The following TAFA5 variants were observed in gnomAD, a reference collection of about 807,000 sequenced individuals.
TAFA5 encodes the protein TAFA chemokine like family member 5.
In TAFA5, 6 loss-of-function variants were observed where a neutral mutation model predicts 15.3. That is an observed-to-expected ratio of 0.39 (90% CI 0.21 to 0.77). The LOEUF (loss-of-function observed/expected upper bound fraction) is 0.77, where lower values mean the gene tolerates loss of function less well. TAFA5 is among the 30% of genes least tolerant of loss of function. The pLI is 0.41. For missense variants in TAFA5, 161 were observed against 193.1 expected (o/e 0.83, Z 0.98); for synonymous variants, 103 against 80.7 (o/e 1.28, Z -1.48).
chr22:48,540,232 G>A (rs1922316089), intron 1 of TAFA5, among the ~76,000 whole-genome samples: 1 of 152,092 alleles, frequency 6.6e-6, no homozygotes, highest in South Asian at 2.1e-4. Context: ...ATTTCCCACT[G>A]CAGCACCGGT....
intron 1 of TAFA5, among the ~76,000 whole-genome samples, chr22:48,499,525 G>T (rs1920941693): frequency 6.6e-6 from 1 of 152,150 alleles, no homozygotes; most frequent in South Asian, 2.1e-4. Context: ...TTCTGTTCTA[G>T]CCGGCTCCCC....
chr22:48,729,276 TATAA>T (rs1021695559), intron 3 of TAFA5, among the ~76,000 whole-genome samples: 2 of 136,398 alleles, frequency 1.5e-5, no homozygotes, highest in African/African-American at 5.3e-5. Context: ...TATATTTATT[TATAA>T]ATATATAATA....
chr22:48,599,931 C>T (rs887866330), intron 1 of TAFA5, among the ~76,000 whole-genome samples: 1 of 152,322 alleles, frequency 6.6e-6, no homozygotes, highest in Admixed American at 6.5e-5. Flanking sequence ...CTGGGGGCCG[C>T]TGGTCCAGCA....
In TAFA5 at chr22:48,689,356, C is replaced by T. The variant is rs563445692; in HGVS notation, c.263-18361C>T. Among the ~76,000 whole-genome samples the T allele has an allele frequency of 2.0e-3, 308 of 152,194 alleles. 3 individuals are homozygous for T. The highest frequency in any genetic ancestry group is 7.0e-3 in the African/African-American group (291 of 41,534). Reference sequence around the variant, plus strand: ...CCACATCTCGGGTCCACATCTGGAGCACCCCCGTCTGCCTTGTCCTCAGGC... The same window carrying T: ...CCACATCTCGGGTCCACATCTGGAGTACCCCCGTCTGCCTTGTCCTCAGGC... On this transcript the variant is annotated intron_variant, in intron 2 of 3. Transcript: ENST00000402357.
At chr22:48,656,324 T>C (rs904740504) in intron 2 of TAFA5, among the ~76,000 whole-genome samples, 2 of 151,994 alleles carry the variant, frequency 1.3e-5, no homozygotes, top group Non-Finnish European at 2.9e-5. Flanking sequence ...GCCAACATGG[T>C]GAAGCCCCGT....
chr22:48,713,105 G>A (rs1011497331), intron 3 of TAFA5, among the ~76,000 whole-genome samples: 2 of 152,252 alleles, frequency 1.3e-5, no homozygotes, highest in East Asian at 3.8e-4. Flanking sequence ...AATCCTGTTT[G>A]CACATTCGCT....
At chr22:48,507,119 C>G in intron 1 of TAFA5, among the ~76,000 whole-genome samples, 1 of 150,774 alleles carries the variant, frequency 6.6e-6, no homozygotes, top group African/African-American at 2.5e-5. Flanking sequence ...GAGGTGGCCG[C>G]CAAGGGCCAG....
intron 1 of TAFA5, among the ~76,000 whole-genome samples, chr22:48,505,562 G>T (rs927606638): frequency 2.0e-4 from 31 of 152,384 alleles, no homozygotes; most frequent in Middle Eastern, 3.4e-3. Context: ...GGGCTGTGGA[G>T]CTGCATGGCC....
chr22:48,511,622 G>T (rs779105856), intron 1 of TAFA5, among the ~76,000 whole-genome samples: 10 of 152,222 alleles, frequency 6.6e-5, no homozygotes, highest in Non-Finnish European at 1.3e-4. Flanking sequence ...GCTGTGCAAA[G>T]CCGCATTCGT....
At chr22:48,706,045 TG>T (rs1929067770) in intron 2 of TAFA5, among the ~76,000 whole-genome samples, 1 of 151,188 alleles carries the variant, frequency 6.6e-6, no homozygotes, top group Non-Finnish European at 1.5e-5. Flanking sequence ...AGACGGGAGG[TG>T]GGGGCTGGGG....
chr22:48,651,549 T>C (rs1346613584), intron 2 of TAFA5, among the ~76,000 whole-genome samples: 1 of 151,926 alleles, frequency 6.6e-6, no homozygotes, highest in East Asian at 1.9e-4. Flanking sequence ...AGAGGTATGG[T>C]GGCCAGAGTC....
At chr22:48,564,970 G>T (rs1923361716) in intron 1 of TAFA5, among the ~76,000 whole-genome samples, 1 of 152,244 alleles carries the variant, frequency 6.6e-6, no homozygotes, top group South Asian at 2.1e-4. Flanking sequence ...CTCCATCCAT[G>T]AGGGGTTAGA....
chr22:48,631,794 G>C (rs1466801215), intron 1 of TAFA5, among the ~76,000 whole-genome samples: 1 of 152,156 alleles, frequency 6.6e-6, no homozygotes. Context: ...GAATGTAAAG[G>C]GTCTGCGTGG....
chr22:48,520,243 G>A (rs537279270), intron 1 of TAFA5, among the ~76,000 whole-genome samples: 2 of 152,382 alleles, frequency 1.3e-5, no homozygotes, highest in African/African-American at 4.8e-5. Flanking sequence ...TAATTCCACT[G>A]TGTGAGATGC....
chr22:48,546,053 C>T (rs777280805), intron 1 of TAFA5, among the ~76,000 whole-genome samples: 6 of 152,144 alleles, frequency 3.9e-5, no homozygotes, highest in African/African-American at 1.2e-4. Context: ...GGCACATGCT[C>T]GGTTTTGGGG....
chr22:48,612,077 G>A (rs1013047018), intron 1 of TAFA5, among the ~76,000 whole-genome samples: 30 of 152,206 alleles, frequency 2.0e-4, no homozygotes, highest in African/African-American at 5.3e-4. Flanking sequence ...AGCACAGGGC[G>A]CTGTGCCTGT....
At chr22:48,680,962 C>G (rs922642947) in intron 2 of TAFA5, among the ~76,000 whole-genome samples, 7 of 152,250 alleles carry the variant, frequency 4.6e-5, no homozygotes, top group African/African-American at 1.7e-4. Flanking sequence ...ACCACGGCTT[C>G]TGGAAGGATC....
chr22:48,576,238 T>A (rs1335351596), intron 1 of TAFA5: 21 of 392,378 alleles, frequency 5.4e-5, no homozygotes, highest in East Asian at 2.3e-4. Flanking sequence ...TCTGCTAACC[T>A]CCCCGCCCCC....
At position 48,560,798 on chromosome 22, in the gene TAFA5, T is replaced by G. The variant is rs1923204950; in HGVS notation, c.112+71094T>G. 6.6e-6 allele frequency among the ~76,000 whole-genome samples: 1 copy of G among 151,986 alleles called. No individual in the cohort carries two copies. The highest frequency in any genetic ancestry group is 1.9e-4 in the East Asian group (1 of 5,132). The stretch of plus-strand genomic sequence containing the variant: ...TAATTTTTTGTGTTTTTAGTAGAGA[T>G]GGGGTTTCACCGTGTTGGCCAGACT... On this transcript the variant is annotated intron_variant, in intron 1 of 3. Coordinates refer to ENST00000402357, the MANE Select transcript of TAFA5 (RefSeq NM_001082967.3). This position sits in a 1 kb window ranked among gnomAD's most constrained non-coding sequence, Gnocchi z 4.2.
Sources: gnomAD v4.1 joint callset for allele counts (sites outside exome capture counted in the v4.1 genomes callset) on GRCh38, gnomAD v4.1.1 for gene constraint, Gnocchi (gnomAD v3.1) non-coding constraint, MANE v1.5 for transcripts, NCBI Gene and HGNC (gene_info 2026-07-23, HGNC 2026-07-21) for gene names.